Variants in RARB observed in about 807,000 individuals in gnomAD.
RARB encodes the protein HBV-activated protein.
A neutral mutation model predicts 51.9 loss-of-function variants in RARB; 17 were observed. The ratio of observed to expected loss-of-function variants is 0.33; its 90% CI spans 0.22 to 0.49. The LOEUF is 0.49. RARB is among the 20% of genes least tolerant of loss of function. RARB has a pLI of 0.99. For missense variants in RARB, 369 were observed against 550.8 expected (o/e 0.67, Z 3.30); for synonymous variants, 215 against 195.4 (o/e 1.10, Z -0.84).
chr3:24,996,713 T>C (rs1190282476), intron 2 of RARB, among the ~76,000 whole-genome samples: 1 of 151,814 alleles, frequency 6.6e-6, no homozygotes, highest in Admixed American at 6.6e-5. Flanking sequence ...CTTTATCCTT[T>C]GGTTGCTCAG....
intron 5 of RARB, among the ~76,000 whole-genome samples, chr3:25,301,724 C>G (rs555842883): frequency 5.4e-4 from 82 of 152,154 alleles, no homozygotes; most frequent in Non-Finnish European, 1.1e-3. Flanking sequence ...GTGCTCCTGT[C>G]CCTAACATCT....
chr3:25,133,959 T>C (rs1227802565), intron 4 of RARB, among the ~76,000 whole-genome samples: 1 of 144,836 alleles, frequency 6.9e-6, no homozygotes, highest in Non-Finnish European at 1.5e-5. Flanking sequence ...AGTACTGTTT[T>C]CATTAAAAAA....
intron 2 of RARB, among the ~76,000 whole-genome samples, chr3:24,914,605 C>T (rs960121066): frequency 1.3e-5 from 2 of 152,112 alleles, no homozygotes; most frequent in African/African-American, 4.8e-5. Flanking sequence ...TTGCATATAA[C>T]CTGCACACAT....
At chr3:25,138,302 G>T (rs1307754426) in intron 4 of RARB, among the ~76,000 whole-genome samples, 1 of 151,004 alleles carries the variant, frequency 6.6e-6, no homozygotes, top group Non-Finnish European at 1.5e-5. Flanking sequence ...TCCAGTCTGT[G>T]ATACAACCTT....
At position 25,470,988 on chromosome 3, in the gene RARB, AATT is replaced by A. The variant is rs537151644; in HGVS notation, c.306+9650_306+9652del. ...TATGCTTTTATCATAAGTTATATCT[AATT>A]ATACAGTAATTAGTGTAGTTATAAA... is the stretch of plus-strand genomic sequence containing the variant. On this transcript the variant is annotated intron_variant, in intron 2 of 7. Coordinates refer to ENST00000330688, the MANE Select transcript of RARB (RefSeq NM_000965.5). 4.1e-4 allele frequency among the ~76,000 whole-genome samples: 62 copies of A among 152,312 alleles called. 2 individuals carry two copies. The South Asian group carries it at 0.012, about 30-fold the overall frequency.
chr3:24,965,674 T>C (rs1170297468), intron 2 of RARB, among the ~76,000 whole-genome samples: 2 of 152,178 alleles, frequency 1.3e-5, no homozygotes, highest in Admixed American at 6.5e-5. Flanking sequence ...CACACAGTTA[T>C]AAGGATTAAA....
At chr3:25,415,760 A>G (rs1400346631) in intron 5 of RARB, among the ~76,000 whole-genome samples, 10 of 152,224 alleles carry the variant, frequency 6.6e-5, no homozygotes, top group African/African-American at 2.2e-4. Context: ...CAACTTGTAC[A>G]TGGCTCTGCT....
At chr3:25,179,604 A>T (rs1173384401) in intron 5 of RARB, among the ~76,000 whole-genome samples, 1 of 152,198 alleles carries the variant, frequency 6.6e-6, no homozygotes, top group Non-Finnish European at 1.5e-5. Context: ...CTCAGTTATA[A>T]CAGTTTTGTC....
intron 3 of RARB, among the ~76,000 whole-genome samples, chr3:25,084,743 T>G (rs950089220): frequency 1.3e-5 from 2 of 151,594 alleles, no homozygotes; most frequent in Admixed American, 1.3e-4. Context: ...TGTTTGGGGT[T>G]TTTTTTAATG....
intron 2 of RARB, among the ~76,000 whole-genome samples, chr3:25,040,381 A>G (rs76833466): frequency 0.013 from 1,974 of 152,218 alleles, 44 homozygotes; most frequent in African/African-American, 0.045. Context: ...ATCCATTACT[A>G]TGGTTTCTTT....
At chr3:25,327,094 GT>G in intron 5 of RARB, among the ~76,000 whole-genome samples, 1 of 151,858 alleles carries the variant, frequency 6.6e-6, no homozygotes, top group Non-Finnish European at 1.5e-5. Flanking sequence ...GCGCTGTTTC[GT>G]TTTTAGACAC....
At chr3:25,288,888 T>A (rs753691646) in intron 5 of RARB, among the ~76,000 whole-genome samples, 1 of 152,170 alleles carries the variant, frequency 6.6e-6, no homozygotes, top group Non-Finnish European at 1.5e-5. Flanking sequence ...TTTATGCAAG[T>A]TTCAACCAAC....
chr3:24,964,620 G>T (rs1696213903), intron 2 of RARB, among the ~76,000 whole-genome samples: 1 of 152,152 alleles, frequency 6.6e-6, no homozygotes, highest in African/African-American at 2.4e-5. Context: ...GGTGTATGTT[G>T]ATGCTTATGC....
chr3:25,580,849 C>A, intron 5 of RARB, 127 bp downstream of exon 5: 1 of 1,054,510 alleles, frequency 9.5e-7, no homozygotes. Flanking sequence ...TAGCACTCAC[C>A]TGACTTAGTA....
intron 5 of RARB, among the ~76,000 whole-genome samples, chr3:25,288,449 T>C (rs905255258): frequency 2.0e-5 from 3 of 152,288 alleles, no homozygotes; most frequent in East Asian, 3.9e-4. Flanking sequence ...CAATGTGCTG[T>C]TTTCTTTGGT....
At position 25,257,045 on chromosome 3, in the gene RARB, A is replaced by G. The variant is rs1411228022; in HGVS notation, c.178+82470A>G. On this transcript the variant is annotated intron_variant, in intron 5 of 11. Transcript: ENST00000383772. ...AAAGGGTTAGATTTTACCAAGGGAAATGTAAGCTCATCAATGTAGAGTTAT... is the reference window on the plus strand; with the variant it reads ...AAAGGGTTAGATTTTACCAAGGGAAGTGTAAGCTCATCAATGTAGAGTTAT... 2.0e-5 allele frequency among the ~76,000 whole-genome samples: 3 copies of G among 152,164 alleles called. No homozygotes were observed. In the East Asian group the frequency reaches 5.8e-4, roughly 29 times the overall value.
In RARB at chr3:25,208,941, G is replaced by C. The variant is rs188978851; in HGVS notation, c.178+34366G>C. Among the ~76,000 whole-genome samples the C allele has an allele frequency of 3.2e-3, 482 of 152,240 alleles. 2 individuals carry two copies. Among genetic ancestry groups the C allele is most frequent in the Non-Finnish European group, 3.5e-3 (241 of 68,020 alleles). On this transcript the variant is annotated intron_variant, in intron 5 of 11. Transcript: ENST00000383772. Reference sequence around the variant, plus strand: ...CTTTACTTAATAAAGTGCTCCACACGGAATACATAAGCAGCAGACTACCCT... The same window carrying C: ...CTTTACTTAATAAAGTGCTCCACACCGAATACATAAGCAGCAGACTACCCT...
chr3:25,378,581 G>A (rs1262819038), intron 5 of RARB, among the ~76,000 whole-genome samples: 1 of 152,166 alleles, frequency 6.6e-6, no homozygotes, highest in Admixed American at 6.5e-5. Flanking sequence ...TCCTCTGTAT[G>A]TTCTCTGCTA....
At chr3:25,078,817 C>T (rs889720264) in intron 3 of RARB, among the ~76,000 whole-genome samples, 1 of 152,166 alleles carries the variant, frequency 6.6e-6, no homozygotes, top group African/African-American at 2.4e-5. Context: ...AGGCTTGAGC[C>T]ATGGCACCCG....
Sources: allele counts gnomAD v4.1 joint callset (sites outside exome capture counted in the v4.1 genomes callset), GRCh38; gene constraint gnomAD v4.1.1; transcripts MANE v1.5; gene names NCBI Gene and HGNC (gene_info 2026-07-23, HGNC 2026-07-21).